TXLNA: variants seen among roughly 807,000 people sequenced by gnomAD.
TXLNA encodes alpha-taxilin.
In TXLNA, 9 loss-of-function variants were observed where a neutral mutation model predicts 61.4. The ratio of observed to expected loss-of-function variants is 0.15; its 90% CI spans 0.09 to 0.26. The LOEUF (loss-of-function observed/expected upper bound fraction) is 0.26, where lower values mean the gene tolerates loss of function less well. TXLNA is among the 10% of genes least tolerant of loss of function. TXLNA has a pLI of 1.00. For synonymous variants in TXLNA, 257 were observed against 267.7 expected (o/e 0.96, Z 0.39); for missense variants, 565 against 688.8 (o/e 0.82, Z 2.01).
Position 32,194,691 on chromosome 1 carries a change from G to A in TXLNA, c.1348-211G>A, listed in dbSNP as rs2124166650. Among the ~76,000 whole-genome samples, 2 of 152,266 alleles carry A rather than the reference G, an allele frequency of 1.3e-5. 1 individual carries two copies. Among genetic ancestry groups the A allele is most frequent in the Middle Eastern group, 6.8e-3 (2 of 294 alleles). ...CAAGGTCACGTGGTAGATAAATGGA[G>A]GAATACGTTATCTCCAAGCCGTGCC... On this transcript the variant is annotated intron_variant, in intron 10 of 10. Transcript: ENST00000373610.
intron 3 of TXLNA, among the ~76,000 whole-genome samples, chr1:32,182,722 C>T (rs944200204): frequency 6.6e-6 from 1 of 151,492 alleles, no homozygotes; most frequent in Non-Finnish European, 1.5e-5. Context: ...TGTTTTATTC[C>T]TATTCCCTTT....
intron 6 of TXLNA, among the ~76,000 whole-genome samples, chr1:32,190,864 G>C (rs1397111743): frequency 1.3e-5 from 2 of 152,130 alleles, no homozygotes; most frequent in African/African-American, 2.4e-5. Flanking sequence ...AGGCCAAAGC[G>C]GGCGGATCAC....
At chr1:32,185,754 A>G (rs1426224984) in intron 4 of TXLNA, among the ~76,000 whole-genome samples, 6 of 149,622 alleles carry the variant, frequency 4.0e-5, no homozygotes, top group Non-Finnish European at 7.4e-5. Flanking sequence ...GCTGGAGTGC[A>G]GTGGCGCGAT....
At chr1:32,188,276 A>T (rs1642829900) in intron 5 of TXLNA, 152 bp downstream of exon 5, 2 of 777,610 alleles carry the variant, frequency 2.6e-6, no homozygotes, top group South Asian at 4.5e-5. Flanking sequence ...CCACTAAAAA[A>T]CAGAAATTAA....
chr1:32,182,088 T>C (rs1274640541), intron 3 of TXLNA, among the ~76,000 whole-genome samples: 1 of 140,248 alleles, frequency 7.1e-6, no homozygotes, highest in Admixed American at 7.4e-5. Context: ...ACAGGCTGGG[T>C]GCAGTCAGGC....
intron 2 of TXLNA, among the ~76,000 whole-genome samples, chr1:32,180,818 C>T (rs529633717): frequency 1.3e-5 from 2 of 152,370 alleles, no homozygotes; most frequent in East Asian, 3.9e-4. Flanking sequence ...GCTAACTGCC[C>T]TTCCTGTTTG....
chr1:32,186,060 A>T (rs569984837), intron 4 of TXLNA, among the ~76,000 whole-genome samples: 128 of 152,356 alleles, frequency 8.4e-4, no homozygotes, highest in African/African-American at 2.9e-3. Context: ...TCCTGTAAGG[A>T]ACTTTACTCA....
rs1490649767 is a variant in TXLNA, at chr1:32,181,239, T to A, written c.170-3T>A. The A allele has an allele frequency of 9.0e-6, 14 of 1,563,060 alleles. No homozygotes were observed. Among genetic ancestry groups the A allele is most frequent in the Admixed American group, 5.5e-5 (3 of 54,880 alleles). On this transcript the variant is annotated splice_polypyrimidine_tract_variant and splice_region_variant and intron_variant, in intron 2 of 10. Transcript: ENST00000373610. ...CTCTACCCCTCATCCTCTCCTGCTG[T>A]AGGGGCTCAAGCCAGAACGGCTCAG...
intron 4 of TXLNA, among the ~76,000 whole-genome samples, chr1:32,187,334 AT>A (rs1398631443): frequency 6.6e-6 from 1 of 152,046 alleles, no homozygotes; most frequent in Non-Finnish European, 1.5e-5. Flanking sequence ...TTAATTACTT[AT>A]GTGGTTTGCA....
chr1:32,181,638 T>C (rs1642665138), intron 3 of TXLNA, 61 bp downstream of exon 3: 2 of 1,372,082 alleles, frequency 1.5e-6, no homozygotes, highest in Non-Finnish European at 2.0e-6. Flanking sequence ...CTTGACGTTC[T>C]CTGGGCCAGT....
intron 3 of TXLNA, among the ~76,000 whole-genome samples, chr1:32,182,424 G>C (rs1642684675): frequency 6.6e-6 from 1 of 152,106 alleles, no homozygotes; most frequent in Admixed American, 6.5e-5. Context: ...ACTTTGGGAG[G>C]CCGAGGCGGG....
intron 6 of TXLNA, among the ~76,000 whole-genome samples, chr1:32,190,850 T>C (rs948997768): frequency 3.3e-5 from 5 of 152,178 alleles, no homozygotes; most frequent in Admixed American, 1.3e-4. Flanking sequence ...CCCAACACTT[T>C]GGGAGGCCAA....
chr1:32,195,276 G>A lies in TXLNA; in HGVS notation c.*81G>A, dbSNP rs1642994100. The A allele has an allele frequency of 6.9e-7, 1 of 1,442,968 alleles. No individual in the cohort carries two copies. Among genetic ancestry groups the A allele is most frequent in the African/African-American group, 1.4e-5 (1 of 70,276 alleles). 89.4% of individuals were successfully genotyped at this position (1,442,968 alleles called of 1,614,324 possible). On this transcript the variant is annotated 3_prime_UTR_variant, in exon 11 of 11. Coordinates refer to ENST00000373610, the MANE Select transcript of TXLNA (RefSeq NM_175852.4). ...CCATAAAAGGCTCCCATGCTGAGCAGCCCATTGCTGAAGCCAGGATGTTCT... is the reference window on the plus strand; with the variant it reads ...CCATAAAAGGCTCCCATGCTGAGCAACCCATTGCTGAAGCCAGGATGTTCT...
At position 32,198,244 on chromosome 1, in the gene TXLNA, G is replaced by A. The variant is rs550122692; in HGVS notation, c.*3049G>A. The A allele has an allele frequency of 6.6e-6, 1 of 152,340 alleles. No homozygotes were observed. Among genetic ancestry groups the A allele is most frequent in the East Asian group, 1.9e-4 (1 of 5,186 alleles). 9.4% of individuals were successfully genotyped at this position (152,340 alleles called of 1,614,324 possible). On this transcript the variant is annotated 3_prime_UTR_variant, in exon 11 of 11. Transcript: ENST00000373610. ...TCACAACAGCCAGGGACTTGATTTT[G>A]ATGTATTTTAAACCACATTAAATAA...
chr1:32,195,810 G>T lies in TXLNA; in HGVS notation c.*615G>T, dbSNP rs1226670700. Reference sequence around the variant, plus strand: ...GCGTGGGATGATGTGCTGGTCAGGAGCCCCTTGGGCATCGCTTCCCCTGCC... The same window carrying T: ...GCGTGGGATGATGTGCTGGTCAGGATCCCCTTGGGCATCGCTTCCCCTGCC... On this transcript the variant is annotated 3_prime_UTR_variant, in exon 11 of 11. Transcript: ENST00000373610. The T allele has an allele frequency of 2.2e-6, 1 of 456,030 alleles. No homozygotes were observed. The highest frequency in any genetic ancestry group is 4.4e-6 in the Non-Finnish European group (1 of 226,902). The allele number at this position is 456,030 out of a possible 1,614,324, so 28.2% of individuals were successfully genotyped here. A position where few individuals can be genotyped will look rare whatever the true frequency, so the allele number is the denominator to read the frequency against.
chr1:32,192,553 A>T lies in TXLNA; in HGVS notation c.1084-104A>T. 3 of 1,590,042 alleles carry T rather than the reference A, an allele frequency of 1.9e-6. 1 individual carries two copies. Among genetic ancestry groups the T allele is most frequent in the Middle Eastern group, 1.7e-4 (1 of 5,882 alleles). ...ACCAGGCACAGATTCCTTGAGTACC[A>T]GTCTGAGAGCAGGAAGCCTCAGTGG... On this transcript the variant is annotated intron_variant, in intron 7 of 10. Transcript: ENST00000373610. This position sits in a 1 kb window ranked among gnomAD's most constrained non-coding sequence, Gnocchi z 4.2.
At chr1:32,183,972 C>T (rs572972419) in intron 3 of TXLNA, among the ~76,000 whole-genome samples, 126 of 152,122 alleles carry the variant, frequency 8.3e-4, no homozygotes, top group Non-Finnish European at 1.4e-3. Flanking sequence ...CTCTTGACCT[C>T]GTGATCCGCC....
chr1:32,184,439 T>A, intron 3 of TXLNA, 86 bp from the exon 4 acceptor site: 1 of 829,116 alleles, frequency 1.2e-6, no homozygotes, highest in Non-Finnish European at 2.0e-6. Context: ...TGGGGAGGGC[T>A]GTCTTCAGCA....
rs1170836936 is a variant in TXLNA, at chr1:32,196,168, G to A, written c.*973G>A. ...GTTTCCTGTTTGGTGAGATCAGGTT[G>A]TTTGTGGTAAAAGAAAGGAAAGGGC... On this transcript the variant is annotated 3_prime_UTR_variant, in exon 11 of 11. Coordinates refer to ENST00000373610, the MANE Select transcript of TXLNA (RefSeq NM_175852.4). 1 of 154,992 alleles carries A rather than the reference G, an allele frequency of 6.5e-6. No homozygotes were observed. Among genetic ancestry groups the A allele is most frequent in the Non-Finnish European group, 1.4e-5 (1 of 70,162 alleles). The allele number at this position is 154,992 out of a possible 1,614,324, so 9.6% of individuals were successfully genotyped here.
Sources: gnomAD v4.1 joint callset for allele counts (sites outside exome capture counted in the v4.1 genomes callset) on GRCh38, gnomAD v4.1.1 for gene constraint, Gnocchi (gnomAD v3.1) non-coding constraint, MANE v1.5 for transcripts, NCBI Gene and HGNC (gene_info 2026-07-23, HGNC 2026-07-21) for gene names.